The following BRINP3 variants were observed in gnomAD, a reference collection of about 807,000 sequenced individuals.
BRINP3 encodes BMP/retinoic acid inducible neural specific 3.
Under a neutral mutation model 71.0 loss-of-function variants are expected in BRINP3, and 19 were observed. That is an observed-to-expected ratio of 0.27 (90% confidence interval 0.19 to 0.39). The LOEUF is 0.39. Ranked by LOEUF, BRINP3 falls within the 10% of genes least tolerant of loss-of-function variation. The pLI is 1.00. For synonymous variants in BRINP3, 380 were observed against 337.7 expected (o/e 1.13, Z -1.37); for missense variants, 959 against 940.8 (o/e 1.02, Z -0.25).
chr1:190,317,032 C>T (rs891060391), intron 2 of BRINP3, among the ~76,000 whole-genome samples: 5 of 151,548 alleles, frequency 3.3e-5, no homozygotes, highest in African/African-American at 1.2e-4. Flanking sequence ...ATTAGCCGGG[C>T]ATGATGGTGG....
intron 7 of BRINP3, among the ~76,000 whole-genome samples, chr1:190,119,616 C>G (rs1351879697): frequency 1.3e-5 from 2 of 152,090 alleles, no homozygotes; most frequent in African/African-American, 4.8e-5. Flanking sequence ...CACCTATTGT[C>G]AATAAGTTTC....
chr1:190,303,796 A>G (rs956838718), intron 2 of BRINP3, among the ~76,000 whole-genome samples: 4 of 151,838 alleles, frequency 2.6e-5, no homozygotes, highest in African/African-American at 9.7e-5. Flanking sequence ...AATCTGGCAA[A>G]TTGGAAAATG....
At chr1:190,284,727 T>C (rs1156980277) in intron 2 of BRINP3, among the ~76,000 whole-genome samples, 1 of 151,988 alleles carries the variant, frequency 6.6e-6, no homozygotes, top group African/African-American at 2.4e-5. Context: ...ATAAAACACT[T>C]TGACACCCCA....
At chr1:190,326,988 T>G (rs1471596860) in intron 2 of BRINP3, among the ~76,000 whole-genome samples, 1 of 148,582 alleles carries the variant, frequency 6.7e-6, no homozygotes, top group Non-Finnish European at 1.5e-5. Flanking sequence ...AAATGCCTGA[T>G]GTAAAACAGA....
intron 2 of BRINP3, among the ~76,000 whole-genome samples, chr1:190,366,301 G>A (rs1669497468): frequency 6.6e-6 from 1 of 152,112 alleles, no homozygotes; most frequent in Non-Finnish European, 1.5e-5. Flanking sequence ...GCAGCAAAGA[G>A]AAGTGCTGAG....
chr1:190,315,375 A>C (rs1469202748), intron 2 of BRINP3, among the ~76,000 whole-genome samples: 1 of 152,082 alleles, frequency 6.6e-6, no homozygotes, highest in Non-Finnish European at 1.5e-5. Context: ...TGGCCATTGC[A>C]GATATGGTCA....
chr1:190,240,596 G>A lies in BRINP3; in HGVS notation c.619-6119C>T, dbSNP rs1034294676. On this transcript the variant is annotated intron_variant, in intron 4 of 7. Transcript: ENST00000367462. ...TTAAAACTCTCAAGTGGGGGTGGGT[G>A]TGATTGCTCAAGCATGTAATCCCAG... Among the ~76,000 whole-genome samples the A allele has an allele frequency of 2.6e-5, 4 of 152,094 alleles. No individual in the cohort carries two copies. The South Asian group carries it at 6.2e-4, about 24-fold the overall frequency.
chr1:190,445,916 G>T (rs1675187635), intron 2 of BRINP3, among the ~76,000 whole-genome samples: 1 of 152,052 alleles, frequency 6.6e-6, no homozygotes, highest in Admixed American at 6.5e-5. Flanking sequence ...AAATAATTGT[G>T]TTAACTAGCA....
At chr1:190,386,136 C>T (rs1211753426) in intron 2 of BRINP3, among the ~76,000 whole-genome samples, 1 of 145,718 alleles carries the variant, frequency 6.9e-6, no homozygotes, top group South Asian at 2.2e-4. Context: ...TGCTAGATGA[C>T]GAGTTAGTGG....
chr1:190,378,871 T>C (rs1670342693), intron 2 of BRINP3, among the ~76,000 whole-genome samples: 1 of 152,134 alleles, frequency 6.6e-6, no homozygotes, highest in Non-Finnish European at 1.5e-5. Flanking sequence ...GGCATCTATC[T>C]GAGCTGTTCA....
In BRINP3 at chr1:190,456,435, A is replaced by G. The variant is rs550381155; in HGVS notation, c.-50-1495T>C. Among the ~76,000 whole-genome samples, 6 of 152,276 alleles carry G rather than the reference A, an allele frequency of 3.9e-5. No individual in the cohort carries two copies. The South Asian group carries it at 1.0e-3, about 26-fold the overall frequency. On this transcript the variant is annotated intron_variant, in intron 1 of 7. Transcript: ENST00000367462. Reference sequence around the variant, plus strand: ...GAAGACATTTTAAAAATGATTTTCTATAAGAAGGAATATTATAATAGAAGA... The same window carrying G: ...GAAGACATTTTAAAAATGATTTTCTGTAAGAAGGAATATTATAATAGAAGA...
Position 190,181,176 on chromosome 1 carries a change from G to C in BRINP3, c.962-20286C>G, listed in dbSNP as rs550213026. On this transcript the variant is annotated intron_variant, in intron 6 of 7. Coordinates refer to ENST00000367462, the MANE Select transcript of BRINP3 (RefSeq NM_199051.3). ...GACAATACATGGTTTTCTCTAATTG[G>C]CTTTTTTCTTTACTTATCATAATGC... Among the ~76,000 whole-genome samples, 9 of 151,952 alleles carry C rather than the reference G, an allele frequency of 5.9e-5. No homozygotes were observed. The East Asian group carries it at 1.5e-3, about 26-fold the overall frequency.
intron 2 of BRINP3, among the ~76,000 whole-genome samples, chr1:190,404,864 AGTTT>A (rs1289575641): frequency 1.3e-5 from 2 of 152,130 alleles, no homozygotes; most frequent in African/African-American, 4.8e-5. Context: ...TATGAGATTG[AGTTT>A]TATTAACTGT....
chr1:190,439,593 T>C (rs964843603), intron 2 of BRINP3, among the ~76,000 whole-genome samples: 4 of 151,650 alleles, frequency 2.6e-5, no homozygotes, highest in African/African-American at 9.7e-5. Context: ...TGTTGAGCTG[T>C]GTGGTGATCT....
At chr1:190,276,771 G>T (rs1000153652) in intron 3 of BRINP3, among the ~76,000 whole-genome samples, 2 of 150,656 alleles carry the variant, frequency 1.3e-5, no homozygotes, top group Admixed American at 6.7e-5. Flanking sequence ...TTCCAACAAT[G>T]AAGAGAATTT....
chr1:190,465,170 C>A (rs1018111578), intron 1 of BRINP3, among the ~76,000 whole-genome samples: 1 of 151,740 alleles, frequency 6.6e-6, no homozygotes, highest in Non-Finnish European at 1.5e-5. Flanking sequence ...GGTGTTTCAA[C>A]GTAGATGATC....
intron 2 of BRINP3, among the ~76,000 whole-genome samples, chr1:190,284,865 TTTC>T (rs1257138437): frequency 6.6e-6 from 1 of 152,028 alleles, no homozygotes; most frequent in Non-Finnish European, 1.5e-5. Flanking sequence ...AGAAAAATAT[TTTC>T]TTAATTTCAA....
chr1:190,281,667 A>C lies in BRINP3; in HGVS notation c.320T>G (p.Phe107Cys). The change falls in exon 3 of 8, where the codon TTC becomes TGC. Residue 107 changes from phenylalanine to cysteine, a missense_variant. Coordinates refer to ENST00000367462, the MANE Select transcript of BRINP3 (RefSeq NM_199051.3). ...TCCCAAAAGTCTTATGTTGCGGAAG[A>C]ATTCAGGGGCAAGAGGCAGAGGAGA... The part of the protein sequence containing the change: ...LGSPLPLAPE[F>C]FRNIRLLGRR... 1 of 1,613,018 alleles carries C rather than the reference A, an allele frequency of 6.2e-7. No homozygotes were observed. Among genetic ancestry groups the C allele is most frequent in the Non-Finnish European group, 8.5e-7 (1 of 1,179,350 alleles).
At chr1:190,149,902 C>A (rs917797905) in intron 7 of BRINP3, among the ~76,000 whole-genome samples, 2 of 152,090 alleles carry the variant, frequency 1.3e-5, no homozygotes, top group Admixed American at 1.3e-4. Flanking sequence ...TTTGTCACAT[C>A]AATGTTCTTT....
Sources: allele counts gnomAD v4.1 joint callset (sites outside exome capture counted in the v4.1 genomes callset), GRCh38; gene constraint gnomAD v4.1.1; transcripts MANE v1.5; gene names NCBI Gene and HGNC (gene_info 2026-07-23, HGNC 2026-07-21).